Variants in CSMD1 observed in about 807,000 individuals in gnomAD.
The protein encoded by CSMD1 is CUB and Sushi multiple domains 1, also known as CUB and sushi domain-containing protein 1.
In CSMD1, 213 loss-of-function variants were observed where a neutral mutation model predicts 417.5. The observed-to-expected ratio is 0.51, with a 90% CI of 0.46 to 0.57. The LOEUF is 0.57. Among genes scored for constraint, CSMD1 ranks in the 20% least tolerant of loss-of-function variants. The pLI is 0.00. For synonymous variants in CSMD1, 2,862 were observed against 1,736.8 expected, an observed-to-expected ratio of 1.65 and a Z score of -16.11; for missense variants, 6,923 against 4,529.7, an observed-to-expected ratio of 1.53 and a Z score of -15.17.
At chr8:3,297,307 T>TA (rs1477324311) in intron 25 of CSMD1, among the ~76,000 whole-genome samples, 1 of 152,120 alleles carries the variant, frequency 6.6e-6, no homozygotes, top group Non-Finnish European at 1.5e-5. Context: ...ATTTCTTTTG[T>TA]AAAAAATTAA....
intron 41 of CSMD1, among the ~76,000 whole-genome samples, chr8:3,125,322 G>C (rs1319011902): frequency 6.6e-6 from 1 of 152,214 alleles, no homozygotes; most frequent in African/African-American, 2.4e-5. Context: ...GGCCACACAG[G>C]TGTGAGAGGG....
chr8:4,778,714 T>C (rs987162586), intron 1 of CSMD1, among the ~76,000 whole-genome samples: 1 of 152,218 alleles, frequency 6.6e-6, no homozygotes, highest in Non-Finnish European at 1.5e-5. Context: ...TCCATGGGAC[T>C]ATGCCCATTT....
chr8:3,062,325 A>G (rs1563295186), intron 49 of CSMD1, among the ~76,000 whole-genome samples: 1 of 152,102 alleles, frequency 6.6e-6, no homozygotes, highest in Non-Finnish European at 1.5e-5. Flanking sequence ...GTACGGAGCC[A>G]CCTCTCCACC....
rs149929741 is a variant in CSMD1 at position 4,271,566 on chromosome 8, G to T, written c.415+148387C>A. 8.0e-5 allele frequency among the ~76,000 whole-genome samples: 12 copies of T among 149,596 alleles called. No homozygotes were observed. The East Asian group carries it at 2.4e-3, about 30-fold the overall frequency. On this transcript the variant is annotated intron_variant, in intron 3 of 69. Transcript: ENST00000635120. ...CCACCATTACAATTACATTTCAAAA[G>T]AGAGAAAAAAAAAAGGCAAAGAAAA...
At chr8:2,975,318 GA>G (rs1367398455) in intron 55 of CSMD1, among the ~76,000 whole-genome samples, 1 of 152,126 alleles carries the variant, frequency 6.6e-6, no homozygotes, top group African/African-American at 2.4e-5. Context: ...ATAGGATAGT[GA>G]AGATTTATTT....
chr8:4,067,431 TTTA>T (rs1455635601), intron 3 of CSMD1, among the ~76,000 whole-genome samples: 1 of 152,202 alleles, frequency 6.6e-6, no homozygotes, highest in African/African-American at 2.4e-5. Context: ...TCCCAGAGAA[TTTA>T]TTATTGTTAT....
intron 10 of CSMD1, among the ~76,000 whole-genome samples, chr8:3,565,374 T>A (rs538488263): frequency 1.3e-5 from 2 of 152,048 alleles, no homozygotes; most frequent in Non-Finnish European, 1.5e-5. Context: ...AAAGGTCTGA[T>A]TGAATAATGG....
intron 8 of CSMD1, among the ~76,000 whole-genome samples, chr8:3,598,028 C>T (rs544919885): frequency 1.3e-5 from 2 of 152,298 alleles, no homozygotes; most frequent in East Asian, 3.9e-4. Flanking sequence ...ATCATTTGCC[C>T]TACTTCAGCC....
At chr8:4,687,250 G>C (rs1030320115) in intron 1 of CSMD1, among the ~76,000 whole-genome samples, 30 of 152,200 alleles carry the variant, frequency 2.0e-4, no homozygotes, top group Non-Finnish European at 4.4e-5. Flanking sequence ...GCCACAGGAT[G>C]CTGGCACTAT....
intron 5 of CSMD1, among the ~76,000 whole-genome samples, chr8:3,794,320 G>T (rs2129068956): frequency 6.6e-6 from 1 of 152,186 alleles, no homozygotes; most frequent in South Asian, 2.1e-4. Flanking sequence ...CTCTGCGCCT[G>T]GTGATTTTTA....
At chr8:4,224,760 C>A (rs752897251) in intron 3 of CSMD1, among the ~76,000 whole-genome samples, 1 of 152,148 alleles carries the variant, frequency 6.6e-6, no homozygotes, top group Non-Finnish European at 1.5e-5. Flanking sequence ...ATAGTATTAA[C>A]CTGTAGTACT....
chr8:3,352,769 G>A (rs766511389), intron 21 of CSMD1, among the ~76,000 whole-genome samples: 10 of 152,292 alleles, frequency 6.6e-5, no homozygotes, highest in South Asian at 2.1e-4. Flanking sequence ...GAACCCAGGA[G>A]GTGGAGGTTG....
At chr8:3,830,723 G>C (rs900639564) in intron 5 of CSMD1, among the ~76,000 whole-genome samples, 1 of 152,126 alleles carries the variant, frequency 6.6e-6, no homozygotes, top group Non-Finnish European at 1.5e-5. Context: ...GCTGAACTTT[G>C]TGTTTATTAA....
At chr8:3,563,452 A>G (rs1799561769) in intron 10 of CSMD1, among the ~76,000 whole-genome samples, 1 of 150,340 alleles carries the variant, frequency 6.7e-6, no homozygotes. Context: ...TAAAAAAAAA[A>G]AAAAAAAAAA....
At chr8:4,414,638 A>T (rs1391532025) in intron 3 of CSMD1, among the ~76,000 whole-genome samples, 1 of 152,170 alleles carries the variant, frequency 6.6e-6, no homozygotes, top group South Asian at 2.1e-4. Flanking sequence ...TGTTCACTAG[A>T]AAGAAAATCA....
intron 2 of CSMD1, among the ~76,000 whole-genome samples, chr8:4,524,569 CTTTTTTT>C (rs35453060): frequency 2.5e-5 from 3 of 117,950 alleles, no homozygotes; most frequent in African/African-American, 3.4e-5. Flanking sequence ...CACACTTGGT[CTTTTTTT>C]TTTTTTTTTT....
intron 3 of CSMD1, among the ~76,000 whole-genome samples, chr8:4,326,416 A>C (rs750102258): frequency 6.6e-6 from 1 of 152,198 alleles, no homozygotes; most frequent in African/African-American, 2.4e-5. Context: ...AAAAGATGGG[A>C]AAACCAATTA....
chr8:4,238,082 C>T lies in CSMD1; in HGVS notation c.415+181871G>A, dbSNP rs118031049. On this transcript the variant is annotated intron_variant, in intron 3 of 69. Transcript: ENST00000635120. ...CTAGGAGGCCTCAAGAGATTGTAAA[C>T]GTTTTAAGATTGAGACACAATTTTT... 2.2e-4 allele frequency among the ~76,000 whole-genome samples: 34 copies of T among 152,220 alleles called. No individual in the cohort carries two copies. The East Asian group carries it at 5.8e-3, about 26-fold the overall frequency.
chr8:4,475,690 C>A (rs569299916), intron 2 of CSMD1, among the ~76,000 whole-genome samples: 1 of 27,416 alleles, frequency 3.6e-5, no homozygotes, highest in East Asian at 6.7e-4. Context: ...GATCTCAGCT[C>A]ACTGCAGCTG....
Sources: allele counts gnomAD v4.1 joint callset (sites outside exome capture counted in the v4.1 genomes callset), GRCh38; gene constraint gnomAD v4.1.1; transcripts MANE v1.5; gene names NCBI Gene and HGNC (gene_info 2026-07-23, HGNC 2026-07-21).